The following NCF2 variants were observed in gnomAD, a reference collection of about 807,000 sequenced individuals.
The protein encoded by NCF2 is neutrophil cytosolic factor 2.
Under a neutral mutation model 70.9 loss-of-function variants are expected in NCF2, and 45 were observed. That is an observed-to-expected ratio of 0.63 (90% confidence interval 0.50 to 0.81). The LOEUF (loss-of-function observed/expected upper bound fraction) is 0.81. Among genes scored for constraint, NCF2 ranks in the 40% least tolerant of loss-of-function variants. NCF2 has a pLI of 0.00. For missense variants in NCF2, 522 were observed against 631.6 expected (o/e 0.83, Z 1.86); for synonymous variants, 203 against 233.6 (o/e 0.87, Z 1.19).
rs139817332 is a variant in NCF2 at position 183,560,112 on chromosome 1, G to A, written c.1452C>T (p.Ile484=). The part of the protein sequence containing the change: ...EDLEFQEGDI[I]LVLSKVNEEW... ...AGCACTTACCCTTTGATAACACCAG[G>A]ATTATATCCCCTTCCTGAAACTCCA... The change falls in exon 14 of 15, where the codon ATC becomes ATT. Residue 484 remains isoleucine (I), a synonymous_variant. Coordinates refer to ENST00000367535, the MANE Select transcript of NCF2 (RefSeq NM_000433.4). 4 of 1,613,970 alleles carry A rather than the reference G, an allele frequency of 2.5e-6. No individual in the cohort carries two copies. Among genetic ancestry groups the A allele is most frequent in the Non-Finnish European group, 1.7e-6 (2 of 1,179,996 alleles).
At chr1:183,575,086 C>A (rs1320555644) in intron 3 of NCF2, among the ~76,000 whole-genome samples, 1 of 152,210 alleles carries the variant, frequency 6.6e-6, no homozygotes, top group African/African-American at 2.4e-5. Context: ...AAACACTGGA[C>A]AGGTACAGAG....
At chr1:183,566,248 C>T (rs934579094) in intron 9 of NCF2, among the ~76,000 whole-genome samples, 4 of 152,158 alleles carry the variant, frequency 2.6e-5, no homozygotes, top group Admixed American at 2.6e-4. Flanking sequence ...GTCTCCACTG[C>T]CATTGAGTCA....
In NCF2 at chr1:183,566,814, T is replaced by G; in HGVS notation, c.924+106A>C. 2.8e-6 allele frequency: 4 copies of G among 1,422,974 alleles called. No homozygotes were observed. The African/African-American group carries it at 4.2e-5, about 15-fold the overall frequency. The allele number at this position is 1,422,974 out of a possible 1,614,324, so 88.1% of individuals were successfully genotyped here. ...AGGCGGGCTCAAGACTAGTGAATCT[T>G]TCTCCAGGGGTCCTGACAACACCTC... On this transcript the variant is annotated intron_variant, in intron 9 of 14. Transcript: ENST00000367535.
chr1:183,562,400 C>T (rs548750348), intron 13 of NCF2, among the ~76,000 whole-genome samples: 3 of 152,110 alleles, frequency 2.0e-5, no homozygotes, highest in Non-Finnish European at 4.4e-5. Context: ...CACACTCACT[C>T]TTACCCCCAG....
At chr1:183,567,728 A>C (rs1010366405) in intron 7 of NCF2, among the ~76,000 whole-genome samples, 2 of 152,176 alleles carry the variant, frequency 1.3e-5, no homozygotes, top group African/African-American at 4.8e-5. Context: ...AGCACAAAGC[A>C]GAAGTCAGGT....
At chr1:183,594,846 G>A (rs576398025), upstream of NCF2, among the ~76,000 whole-genome samples, 1 of 151,896 alleles carries the variant, frequency 6.6e-6, no homozygotes, top group Non-Finnish European at 1.5e-5. Context: ...CATTATTCCT[G>A]GGCACTCAGG....
At chr1:183,570,162 T>C (rs1472772708) in intron 6 of NCF2, among the ~76,000 whole-genome samples, 1 of 152,264 alleles carries the variant, frequency 6.6e-6, no homozygotes, top group African/African-American at 2.4e-5. Flanking sequence ...CACAGGTTCA[T>C]TGCCACAGAG....
chr1:183,569,213 C>G (rs377089938), intron 6 of NCF2, 28 bp from the exon 7 acceptor site: 1 of 1,611,424 alleles, frequency 6.2e-7, no homozygotes, highest in South Asian at 1.1e-5. Context: ...GAAGTGAAAA[C>G]GGAAAAGGCA....
intron 2 of NCF2, among the ~76,000 whole-genome samples, chr1:183,585,924 T>C: frequency 6.6e-6 from 1 of 152,262 alleles, no homozygotes; most frequent in Non-Finnish European, 1.5e-5. Flanking sequence ...GATTTTCCTA[T>C]AATCCCACCA....
intron 10 of NCF2, among the ~76,000 whole-genome samples, chr1:183,565,239 C>G (rs1199255237): frequency 6.6e-6 from 1 of 152,208 alleles, no homozygotes; most frequent in Non-Finnish European, 1.5e-5. Flanking sequence ...AACAGCCTTT[C>G]AGAGAGAACA....
chr1:183,577,725 A>T lies in NCF2; in HGVS notation c.258-18T>A. 6.6e-7 allele frequency: 1 copy of T among 1,515,828 alleles called. No homozygotes were observed. Among genetic ancestry groups the T allele is most frequent in the African/African-American group, 1.4e-5 (1 of 72,950 alleles). The allele number at this position is 1,515,828 out of a possible 1,614,324, so 93.9% of individuals were successfully genotyped here. A position where few individuals can be genotyped will look rare whatever the true frequency, so the allele number is the denominator to read the frequency against. On this transcript the variant is annotated intron_variant, in intron 2 of 14. Transcript: ENST00000367535. ...AATCATATCTGCAGGACAGAGGGAG[A>T]AAATACAGCAGTCTAGTGGATGGAG...
At chr1:183,591,454 G>T (rs1673640909), upstream of NCF2, among the ~76,000 whole-genome samples, 1 of 150,814 alleles carries the variant, frequency 6.6e-6, no homozygotes, top group Admixed American at 6.6e-5. Context: ...AATCTTTGGA[G>T]ATCCATCTGA....
intron 2 of NCF2, among the ~76,000 whole-genome samples, chr1:183,578,087 CAG>C (rs1272101021): frequency 1.3e-5 from 2 of 152,220 alleles, no homozygotes; most frequent in Non-Finnish European, 2.9e-5. Flanking sequence ...TGTGTCCCTG[CAG>C]AGTGTTCAGA....
Position 183,556,052 on chromosome 1 carries a change from G to T in NCF2, c.*66C>A, listed in dbSNP as rs945407069. 2.4e-5 allele frequency: 31 copies of T among 1,268,788 alleles called. No individual in the cohort carries two copies. The highest frequency in any genetic ancestry group is 3.6e-5 in the Non-Finnish European group (31 of 865,990). 78.6% of individuals were successfully genotyped at this position (1,268,788 alleles called of 1,614,324 possible). ...GTCTCAGTACAGTATACAGCAGAAG[G>T]GTGCTAAATCTTACAAACAAGTAAT... On this transcript the variant is annotated 3_prime_UTR_variant, in exon 15 of 15. Transcript: ENST00000367535.
At chr1:183,597,244 A>T in the NCF2 span, among the ~76,000 whole-genome samples, 27 of 152,222 alleles carry the variant, frequency 1.8e-4, no homozygotes, top group Admixed American at 3.3e-4. Context: ...TCTCTTTTAC[A>T]TGTGTTCAAA....
At chr1:183,571,152 C>T (rs1341724898) in intron 5 of NCF2, among the ~76,000 whole-genome samples, 1 of 130,702 alleles carries the variant, frequency 7.7e-6, no homozygotes, top group Non-Finnish European at 1.5e-5. Context: ...GAGTCACGCT[C>T]TGTTACCCAG....
intron 1 of NCF2, among the ~76,000 whole-genome samples, chr1:183,589,668 G>T (rs34194274): frequency 0.088 from 13,399 of 152,128 alleles, 1,896 homozygotes; most frequent in African/African-American, 0.3. Context: ...CTTTATAATT[G>T]ATCAGAATTG....
chr1:183,561,821 G>T (rs1672073168), intron 13 of NCF2, among the ~76,000 whole-genome samples: 1 of 93,440 alleles, frequency 1.1e-5, no homozygotes, highest in Non-Finnish European at 1.9e-5. Flanking sequence ...TTTTTTTGAG[G>T]CAGAATCTCT....
upstream of NCF2, among the ~76,000 whole-genome samples, chr1:183,592,322 A>C (rs190011161): frequency 2.0e-5 from 3 of 152,304 alleles, no homozygotes; most frequent in East Asian, 5.8e-4. Flanking sequence ...TTGCCTGGCA[A>C]ACTCCTACTC....
Sources: gnomAD v4.1 joint callset for allele counts (sites outside exome capture counted in the v4.1 genomes callset) on GRCh38, gnomAD v4.1.1 for gene constraint, MANE v1.5 for transcripts, NCBI Gene and HGNC (gene_info 2026-07-23, HGNC 2026-07-21) for gene names.